PTPRD: variants seen among roughly 807,000 people sequenced by gnomAD.
PTPRD encodes protein tyrosine phosphatase receptor type D, also known as receptor-type tyrosine-protein phosphatase delta.
PTPRD carries 34 observed loss-of-function variants against 214.5 expected under a neutral mutation model. The observed-to-expected ratio is 0.16, with a 90% CI of 0.12 to 0.21. PTPRD has a LOEUF of 0.21. Among genes scored for constraint, PTPRD ranks in the 10% least tolerant of loss-of-function variants. The pLI, the probability that PTPRD is intolerant of heterozygous loss-of-function variation, is 1.00. For missense variants in PTPRD, 2,545 were observed against 2,398.7 expected (o/e 1.06, Z -1.27); for synonymous variants, 1,128 against 845.7 (o/e 1.33, Z -5.79).
chr9:9,730,637 G>A (rs1217689835), intron 7 of PTPRD, among the ~76,000 whole-genome samples: 2 of 151,834 alleles, frequency 1.3e-5, no homozygotes, highest in Non-Finnish European at 2.9e-5. Context: ...TGTAGAATTG[G>A]GTTTTATTAA....
chr9:10,544,112 C>T (rs539833614), intron 2 of PTPRD, among the ~76,000 whole-genome samples: 14 of 152,182 alleles, frequency 9.2e-5, no homozygotes, highest in Non-Finnish European at 1.6e-4. Flanking sequence ...CAATAATTGT[C>T]CTTCCCTACT....
intron 5 of PTPRD, among the ~76,000 whole-genome samples, chr9:9,769,073 G>C (rs1266721279): frequency 1.3e-5 from 2 of 151,850 alleles, no homozygotes; most frequent in Admixed American, 1.3e-4. Context: ...CTTTAATATA[G>C]GCTAATATTA....
intron 34 of PTPRD, among the ~76,000 whole-genome samples, chr9:8,445,426 T>C (rs1489863782): frequency 6.6e-6 from 1 of 152,218 alleles, no homozygotes; most frequent in Non-Finnish European, 1.5e-5. Context: ...TGTGAAAGCA[T>C]GGGCTTCCCC....
intron 7 of PTPRD, among the ~76,000 whole-genome samples, chr9:9,710,814 G>A (rs1595778585): frequency 6.6e-6 from 1 of 152,006 alleles, no homozygotes; most frequent in Non-Finnish European, 1.5e-5. Flanking sequence ...GCAGTTTCTA[G>A]AATAATGTTA....
chr9:8,711,137 T>G (rs1325415709), intron 12 of PTPRD, among the ~76,000 whole-genome samples: 1 of 143,218 alleles, frequency 7.0e-6, no homozygotes, highest in East Asian at 2.0e-4. Flanking sequence ...TTAAATATCA[T>G]TATAAAACAC....
At chr9:8,814,648 T>C (rs921409124) in intron 11 of PTPRD, among the ~76,000 whole-genome samples, 1 of 152,076 alleles carries the variant, frequency 6.6e-6, no homozygotes, top group Non-Finnish European at 1.5e-5. Flanking sequence ...GGGCATGAGT[T>C]TGGAGAGCAC....
chr9:8,926,188 T>A (rs76790798), intron 11 of PTPRD, among the ~76,000 whole-genome samples: 1,746 of 152,150 alleles, frequency 0.011, 52 homozygotes, highest in African/African-American at 0.04. Flanking sequence ...TACCTTTTCA[T>A]TTTCCTGCTG....
chr9:8,326,063 C>T (rs1481757332), intron 44 of PTPRD, among the ~76,000 whole-genome samples: 1 of 152,180 alleles, frequency 6.6e-6, no homozygotes, highest in African/African-American at 2.4e-5. Context: ...ACATTTATTT[C>T]TTTCTGTTGC....
At chr9:9,160,066 G>T (rs1281880813) in intron 10 of PTPRD, among the ~76,000 whole-genome samples, 1 of 152,030 alleles carries the variant, frequency 6.6e-6, no homozygotes, top group Non-Finnish European at 1.5e-5. Flanking sequence ...ATGGATTAAA[G>T]ATTTAAATGG....
At chr9:9,211,124 T>C (rs577352370) in intron 9 of PTPRD, among the ~76,000 whole-genome samples, 9 of 151,996 alleles carry the variant, frequency 5.9e-5, no homozygotes, top group South Asian at 4.2e-4. Flanking sequence ...CATTCTGGCA[T>C]TTTTTTCCAC....
chr9:9,288,443 C>G (rs991072436), intron 9 of PTPRD, among the ~76,000 whole-genome samples: 3 of 151,730 alleles, frequency 2.0e-5, no homozygotes, highest in African/African-American at 7.3e-5. Context: ...TTAAAAAACA[C>G]GTAAAGATCA....
At chr9:10,501,089 T>A (rs533748881) in intron 2 of PTPRD, among the ~76,000 whole-genome samples, 2 of 152,046 alleles carry the variant, frequency 1.3e-5, no homozygotes, top group Admixed American at 6.6e-5. Context: ...GGTAGCTCTA[T>A]TTTTAGTTTT....
At position 8,419,249 on chromosome 9, in the gene PTPRD, A is replaced by G. The variant is rs990227875; in HGVS notation, c.4087-14589T>C. 2.6e-5 allele frequency among the ~76,000 whole-genome samples: 4 copies of G among 151,404 alleles called. No homozygotes were observed. In the East Asian group the frequency reaches 7.8e-4, roughly 29 times the overall value. On this transcript the variant is annotated intron_variant, in intron 35 of 45. Transcript: ENST00000381196. Reference sequence around the variant, plus strand: ...TCCAAAAAATTAAAAAAAAAAAAAAAAGAAAAGAAAAACAATATTATTAAT... The same window carrying G: ...TCCAAAAAATTAAAAAAAAAAAAAAGAGAAAAGAAAAACAATATTATTAAT...
At position 10,290,790 on chromosome 9, in the gene PTPRD, T is replaced by A. The variant is rs560516682; in HGVS notation, c.-545+50173A>T. On this transcript the variant is annotated intron_variant, in intron 3 of 45. Transcript: ENST00000381196. The stretch of plus-strand genomic sequence containing the variant: ...AAATAAGTGTCAAGGTCATGAAGTG[T>A]CATTGTTATTTGGGAGGAATTATTG... 2.0e-5 allele frequency among the ~76,000 whole-genome samples: 3 copies of A among 152,240 alleles called. No individual in the cohort carries two copies. In the South Asian group the frequency reaches 6.2e-4, roughly 32 times the overall value.
intron 5 of PTPRD, among the ~76,000 whole-genome samples, chr9:9,848,592 C>G (rs2059971377): frequency 6.6e-6 from 1 of 152,056 alleles, no homozygotes; most frequent in Non-Finnish European, 1.5e-5. Flanking sequence ...AAGCTTGAAA[C>G]TCAAGCTTTC....
At chr9:10,165,519 A>G (rs1032260250) in intron 3 of PTPRD, among the ~76,000 whole-genome samples, 5 of 151,862 alleles carry the variant, frequency 3.3e-5, no homozygotes, top group Non-Finnish European at 5.9e-5. Context: ...GCTTCTTTGT[A>G]TAACAATGGC....
chr9:10,333,964 T>C (rs1210031132), intron 3 of PTPRD, among the ~76,000 whole-genome samples: 2 of 151,878 alleles, frequency 1.3e-5, no homozygotes, highest in South Asian at 2.1e-4. Flanking sequence ...AGAAATAACA[T>C]TAAAGTTGAC....
chr9:9,314,179 G>T (rs1309215148), intron 9 of PTPRD, among the ~76,000 whole-genome samples: 1 of 152,106 alleles, frequency 6.6e-6, no homozygotes, highest in Admixed American at 6.6e-5. Flanking sequence ...TTTTCATAAT[G>T]AGATTTATTG....
At chr9:9,215,658 G>A (rs961533111) in intron 9 of PTPRD, among the ~76,000 whole-genome samples, 2 of 152,036 alleles carry the variant, frequency 1.3e-5, no homozygotes, top group Non-Finnish European at 2.9e-5. Context: ...CTCCTCAGGG[G>A]GCTGTACAAC....
Sources: gnomAD v4.1 joint callset for allele counts (sites outside exome capture counted in the v4.1 genomes callset) on GRCh38, gnomAD v4.1.1 for gene constraint, MANE v1.5 for transcripts, NCBI Gene and HGNC (gene_info 2026-07-23, HGNC 2026-07-21) for gene names.